PREX1: variants seen among roughly 807,000 people sequenced by gnomAD.
PREX1 encodes phosphatidylinositol 3,4,5-trisphosphate-dependent Rac exchanger 1 protein.
PREX1 carries 41 observed loss-of-function variants against 198.3 expected under a neutral mutation model. The observed-to-expected ratio is 0.21, with a 90% CI of 0.16 to 0.27. The LOEUF (loss-of-function observed/expected upper bound fraction) is 0.27, where lower values mean the gene tolerates loss of function less well. PREX1 is among the 10% of genes least tolerant of loss of function. The pLI is 1.00. For missense variants in PREX1, 1,620 were observed against 2,200.7 expected (o/e 0.74, Z 5.28); for synonymous variants, 843 against 887.2 (o/e 0.95, Z 0.89).
intron 31 of PREX1, 120 bp from the exon 32 acceptor site, chr20:48,636,803 G>C (rs544546979): frequency 2.4e-6 from 2 of 825,142 alleles, no homozygotes; most frequent in East Asian, 5.5e-5. Context: ...GCTAACATCA[G>C]GCCAGAAATT....
At chr20:48,639,097 C>A (rs564116895) in intron 30 of PREX1, among the ~76,000 whole-genome samples, 1 of 152,352 alleles carries the variant, frequency 6.6e-6, no homozygotes, top group Admixed American at 6.5e-5. Flanking sequence ...CAAATGCCGG[C>A]AAGGGCCAGG....
chr20:48,840,107 C>T, the PREX1 span, among the ~76,000 whole-genome samples: 1 of 152,136 alleles, frequency 6.6e-6, no homozygotes, highest in Non-Finnish European at 1.5e-5. Flanking sequence ...CTTGACCTCC[C>T]GGACTCAAGC....
Position 48,636,699 on chromosome 20 carries a change from A to G in PREX1, c.3947-16T>C, listed in dbSNP as rs778591086. Reference sequence around the variant, plus strand: ...AGCTCCGTGTCTGGGGGCAGAGGGCAGGAGGCCTTGCTGGAGGGGCGCTCC... The same window carrying G: ...AGCTCCGTGTCTGGGGGCAGAGGGCGGGAGGCCTTGCTGGAGGGGCGCTCC... On this transcript the variant is annotated splice_polypyrimidine_tract_variant and intron_variant, in intron 31 of 39. Coordinates refer to ENST00000371941, the MANE Select transcript of PREX1 (RefSeq NM_020820.4). 2 of 1,582,476 alleles carry G rather than the reference A, an allele frequency of 1.3e-6. No individual in the cohort carries two copies. Among genetic ancestry groups the G allele is most frequent in the African/African-American group, 1.3e-5 (1 of 74,384 alleles).
intron 1 of PREX1, among the ~76,000 whole-genome samples, chr20:48,751,624 G>C (rs2090134678): frequency 6.6e-6 from 1 of 152,206 alleles, no homozygotes; most frequent in African/African-American, 2.4e-5. Context: ...GGACCCTCCA[G>C]GGCGACTCTT....
chr20:48,887,156 G>A, the PREX1 span, among the ~76,000 whole-genome samples: 3 of 152,176 alleles, frequency 2.0e-5, no homozygotes, highest in Non-Finnish European at 4.4e-5. Flanking sequence ...TCAAACCCCA[G>A]CTATTACTGA....
At chr20:48,880,981 T>TAAAAAAAA in the PREX1 span, among the ~76,000 whole-genome samples, 118 of 20,994 alleles carry the variant, frequency 5.6e-3, 17 homozygotes, top group African/African-American at 0.028. Context: ...AAACCATTGC[T>TAAAAAAAA]AAAAAAAAAA....
intron 7 of PREX1, among the ~76,000 whole-genome samples, chr20:48,697,140 T>C (rs181797528): frequency 7.2e-5 from 11 of 152,334 alleles, no homozygotes; most frequent in Admixed American, 2.0e-4. Context: ...GTGGGCTATG[T>C]GTGAGACACC....
intron 7 of PREX1, among the ~76,000 whole-genome samples, chr20:48,697,036 A>G (rs1334192831): frequency 6.6e-6 from 1 of 152,034 alleles, no homozygotes; most frequent in African/African-American, 2.4e-5. Context: ...TCTTGACTTA[A>G]TACAAATTTT....
At chr20:48,636,062 C>T (rs908069991) in intron 32 of PREX1, among the ~76,000 whole-genome samples, 11 of 152,174 alleles carry the variant, frequency 7.2e-5, no homozygotes, top group African/African-American at 2.7e-4. Flanking sequence ...AGGTCCTGGC[C>T]GGATGTCCAG....
At chr20:48,854,057 G>A in the PREX1 span, among the ~76,000 whole-genome samples, 7 of 152,172 alleles carry the variant, frequency 4.6e-5, no homozygotes, top group Non-Finnish European at 4.4e-5. Context: ...CAGCTGCTCC[G>A]AACAACCCCT....
intron 1 of PREX1, among the ~76,000 whole-genome samples, chr20:48,795,040 G>C (rs747487197): frequency 2.0e-5 from 3 of 152,020 alleles, no homozygotes; most frequent in Non-Finnish European, 4.4e-5. Context: ...TAATTCTCTT[G>C]CGTCCTTATC....
At chr20:48,627,670 A>C in intron 38 of PREX1, 55 bp from the exon 39 acceptor site, 1 of 1,364,074 alleles carries the variant, frequency 7.3e-7, no homozygotes, top group Non-Finnish European at 1.0e-6. Flanking sequence ...CACGTGAGGA[A>C]GCACACTGGG....
intron 36 of PREX1, among the ~76,000 whole-genome samples, chr20:48,629,918 A>T (rs1192386231): frequency 6.6e-6 from 1 of 152,148 alleles, no homozygotes; most frequent in Non-Finnish European, 1.5e-5. Context: ...GTGAAGCCTG[A>T]AGAAAGTGCC....
the PREX1 span, among the ~76,000 whole-genome samples, chr20:48,883,263 T>C: frequency 1.3e-5 from 2 of 151,932 alleles, no homozygotes; most frequent in African/African-American, 4.8e-5. Context: ...AAACCACAAA[T>C]AGAAAGGGCA....
At position 48,658,173 on chromosome 20, in the gene PREX1, A is replaced by ACAG; in HGVS notation, c.1934_1936dup (p.Ala645dup). 6.2e-7 allele frequency: 1 copy of ACAG among 1,614,124 alleles called. No homozygotes were observed. The highest frequency in any genetic ancestry group is 8.5e-7 in the Non-Finnish European group (1 of 1,179,986). ...GCCCCTCTGGACGGACTTCACCACC[A>ACAG]CAGCCTTGTTCTTCTCCTCGATGTC... is the stretch of plus-strand genomic sequence containing the variant. On this transcript the variant is annotated inframe_insertion, in exon 17 of 40. Transcript: ENST00000371941.
chr20:48,842,235 G>A, the PREX1 span, among the ~76,000 whole-genome samples: 1 of 152,098 alleles, frequency 6.6e-6, no homozygotes, highest in East Asian at 1.9e-4. Flanking sequence ...GAGTGATTTA[G>A]GCGGCCACAG....
chr20:48,807,207 C>T (rs992805988), intron 1 of PREX1, among the ~76,000 whole-genome samples: 2 of 152,316 alleles, frequency 1.3e-5, no homozygotes, highest in East Asian at 1.9e-4. Flanking sequence ...TACACTCCCC[C>T]CCATTCTCAG....
intron 1 of PREX1, among the ~76,000 whole-genome samples, chr20:48,811,070 G>A (rs1173079715): frequency 2.0e-5 from 3 of 152,154 alleles, no homozygotes; most frequent in Non-Finnish European, 4.4e-5. Context: ...CAAACCAAAC[G>A]TTGCCTGCAG....
intron 37 of PREX1, 87 bp downstream of exon 37, chr20:48,629,362 T>C (rs2089296257): frequency 1.3e-6 from 2 of 1,512,230 alleles, no homozygotes; most frequent in South Asian, 1.2e-5. Flanking sequence ...GAACCCAGCC[T>C]TCCTGCCTCC....
Sources: gnomAD v4.1 joint callset for allele counts (sites outside exome capture counted in the v4.1 genomes callset) on GRCh38, gnomAD v4.1.1 for gene constraint, MANE v1.5 for transcripts, NCBI Gene and HGNC (gene_info 2026-07-23, HGNC 2026-07-21) for gene names.